The following FAM135B variants were observed in gnomAD, a reference collection of about 807,000 sequenced individuals.
The protein encoded by FAM135B is family with sequence similarity 135 member B.
Under a neutral mutation model 127.7 loss-of-function variants are expected in FAM135B, and 43 were observed. The observed-to-expected ratio is 0.34, with a 90% confidence interval of 0.26 to 0.43. The LOEUF (loss-of-function observed/expected upper bound fraction) is 0.43, where lower values mean the gene tolerates loss of function less well. Ranked by LOEUF, FAM135B falls within the 20% of genes least tolerant of loss-of-function variation. The pLI is 1.00. For synonymous variants in FAM135B, 670 were observed against 665.1 expected (o/e 1.01, Z -0.11); for missense variants, 1,558 against 1,725.6 (o/e 0.90, Z 1.72).
intron 12 of FAM135B, among the ~76,000 whole-genome samples, chr8:138,155,210 A>G (rs1030895364): frequency 6.6e-6 from 1 of 152,216 alleles, no homozygotes; most frequent in African/African-American, 2.4e-5. Flanking sequence ...TCATAAGTGA[A>G]GGAGAAATAA....
At chr8:138,371,436 C>G (rs1483420147) in intron 1 of FAM135B, among the ~76,000 whole-genome samples, 4 of 152,142 alleles carry the variant, frequency 2.6e-5, no homozygotes, top group African/African-American at 9.7e-5. Flanking sequence ...GCCCATGACA[C>G]ATACCCAGCA....
At chr8:138,355,783 G>A (rs1212520343) in intron 2 of FAM135B, among the ~76,000 whole-genome samples, 1 of 152,128 alleles carries the variant, frequency 6.6e-6, no homozygotes, top group Non-Finnish European at 1.5e-5. Context: ...AAGAAATAGG[G>A]GGAGAAAGAC....
chr8:138,212,073 T>A (rs1243114853), intron 7 of FAM135B, among the ~76,000 whole-genome samples: 1 of 151,956 alleles, frequency 6.6e-6, no homozygotes, highest in Admixed American at 6.6e-5. Context: ...CTCAAATAAA[T>A]AAATACAATA....
chr8:138,246,461 C>T (rs981756218), intron 6 of FAM135B, among the ~76,000 whole-genome samples: 9 of 152,126 alleles, frequency 5.9e-5, no homozygotes, highest in South Asian at 2.1e-4. Context: ...GCTCAGCCCA[C>T]GGCTTCAGAG....
At chr8:138,429,418 A>T (rs2131498787) in intron 1 of FAM135B, among the ~76,000 whole-genome samples, 1 of 152,218 alleles carries the variant, frequency 6.6e-6, no homozygotes, top group East Asian at 1.9e-4. Flanking sequence ...GTTGGAGAAA[A>T]AATGTGGGAC....
At chr8:138,442,267 T>TATATGC (rs1554694343) in intron 1 of FAM135B, among the ~76,000 whole-genome samples, 3 of 86,762 alleles carry the variant, frequency 3.5e-5, no homozygotes, top group African/African-American at 8.9e-5. Flanking sequence ...TATATATATA[T>TATATGC]ATATATATAT....
chr8:138,410,739 A>G (rs1223766821), intron 1 of FAM135B, among the ~76,000 whole-genome samples: 1 of 152,196 alleles, frequency 6.6e-6, no homozygotes, highest in African/African-American at 2.4e-5. Flanking sequence ...TTCCCAAAGA[A>G]TATAAAACAG....
In FAM135B at chr8:138,466,915, A is replaced by C. The variant is rs10481405; in HGVS notation, c.-20+29756T>G. Among the ~76,000 whole-genome samples the C allele has an allele frequency of 2.2e-3, 327 of 152,058 alleles. 3 individuals are homozygous for C. The highest frequency in any genetic ancestry group is 5.1e-3 in the African/African-American group (211 of 41,464). ...TTCAGGATCAGGCAGTTGTGTCATC[A>C]GTGAAATGCTGACTATGAACACATA... On this transcript the variant is annotated intron_variant, in intron 1 of 19. Transcript: ENST00000395297.
chr8:138,263,495 G>A (rs1180958592), intron 4 of FAM135B, among the ~76,000 whole-genome samples: 2 of 152,186 alleles, frequency 1.3e-5, no homozygotes, highest in Admixed American at 1.3e-4. Context: ...GAGGGGAAAC[G>A]GCCAAGTAGT....
At chr8:138,484,700 T>C (rs1814918726) in intron 1 of FAM135B, among the ~76,000 whole-genome samples, 1 of 152,162 alleles carries the variant, frequency 6.6e-6, no homozygotes, top group Admixed American at 6.5e-5. Flanking sequence ...ATCATTCTTT[T>C]TCTCCAACAT....
rs1270251100 is a variant in FAM135B at position 138,152,854 on chromosome 8, G to T, written c.1621C>A (p.Pro541Thr). ...VADVDTSRRSPGPEDGQAPVL... is the reference protein window; with the variant it reads ...VADVDTSRRSTGPEDGQAPVL... ...GGGGCCTGTCCATCCTCTGGACCTG[G>T]ACTCCTTCTAGAAGTATCCACATCT... is the stretch of plus-strand genomic sequence containing the variant. The change falls in exon 13 of 20, where the codon CCA becomes ACA. Residue 541 changes from proline (P) to threonine (T), a missense_variant. Physicochemically the swap from Pro to Thr is conservative, Grantham distance 38. Transcript: ENST00000395297. 1.9e-6 allele frequency: 3 copies of T among 1,614,128 alleles called. No homozygotes were observed. The highest frequency in any genetic ancestry group is 2.5e-6 in the Non-Finnish European group (3 of 1,180,002).
chr8:138,163,544 G>A (rs143406550), intron 12 of FAM135B, among the ~76,000 whole-genome samples: 129 of 152,190 alleles, frequency 8.5e-4, no homozygotes, highest in Admixed American at 7.9e-4. Context: ...TCTCGTGCTC[G>A]TGAATACACC....
intron 7 of FAM135B, among the ~76,000 whole-genome samples, chr8:138,232,833 GT>G (rs1281070330): frequency 3.3e-5 from 5 of 151,992 alleles, no homozygotes; most frequent in Non-Finnish European, 2.9e-5. Flanking sequence ...TAACAAAATT[GT>G]AAGTGTTCAA....
At chr8:138,316,934 C>T (rs973628521) in intron 2 of FAM135B, among the ~76,000 whole-genome samples, 19 of 151,104 alleles carry the variant, frequency 1.3e-4, no homozygotes, top group Admixed American at 1.2e-3. Context: ...GAGCCGTGAC[C>T]GCACCACTGC....
intron 1 of FAM135B, among the ~76,000 whole-genome samples, chr8:138,420,656 C>A (rs1183428239): frequency 2.0e-5 from 3 of 151,916 alleles, no homozygotes; most frequent in Non-Finnish European, 4.4e-5. Flanking sequence ...GATCAGTAGG[C>A]TTTTTTTCCT....
chr8:138,178,043 G>A (rs915975375), intron 10 of FAM135B, among the ~76,000 whole-genome samples: 3 of 152,058 alleles, frequency 2.0e-5, no homozygotes, highest in Non-Finnish European at 2.9e-5. Context: ...TCAGGAGTTC[G>A]AGACCAGTCT....
At chr8:138,444,519 A>G (rs557054755) in intron 1 of FAM135B, among the ~76,000 whole-genome samples, 38 of 152,332 alleles carry the variant, frequency 2.5e-4, no homozygotes, top group African/African-American at 8.9e-4. Flanking sequence ...GCTCAACTAC[A>G]TGGAAACTGA....
intron 3 of FAM135B, among the ~76,000 whole-genome samples, chr8:138,301,619 G>A (rs1240529573): frequency 2.0e-5 from 3 of 152,080 alleles, no homozygotes; most frequent in South Asian, 4.2e-4. Flanking sequence ...TCTGCCCCAG[G>A]CCCTCTGCTA....
rs554273561 is a variant in FAM135B, at chr8:138,325,316, C to G, written c.78-14396G>C. Reference sequence around the variant, plus strand: ...AGGTGCTTTAACTTCACATTGGTATCTTGAAATTGGCCTTGGTGGGAGTAT... The same window carrying G: ...AGGTGCTTTAACTTCACATTGGTATGTTGAAATTGGCCTTGGTGGGAGTAT... On this transcript the variant is annotated intron_variant, in intron 2 of 19. Coordinates refer to ENST00000395297, the MANE Select transcript of FAM135B (RefSeq NM_015912.4). Among the ~76,000 whole-genome samples, 5 of 152,260 alleles carry G rather than the reference C, an allele frequency of 3.3e-5. No individual in the cohort carries two copies. In the East Asian group the frequency reaches 9.6e-4, roughly 29 times the overall value.
Sources: allele counts gnomAD v4.1 joint callset (sites outside exome capture counted in the v4.1 genomes callset), GRCh38; gene constraint gnomAD v4.1.1; transcripts MANE v1.5; gene names NCBI Gene and HGNC (gene_info 2026-07-23, HGNC 2026-07-21).